Variants in ADD2 observed in about 807,000 individuals in gnomAD.
The protein encoded by ADD2 is adducin 2.
In ADD2, 23 loss-of-function variants were observed where a neutral mutation model predicts 83.0. That is an observed-to-expected ratio of 0.28 (90% confidence interval 0.20 to 0.39). The LOEUF is 0.39. Among genes scored for constraint, ADD2 ranks in the 10% least tolerant of loss-of-function variants. The pLI is 1.00. For synonymous variants in ADD2, 375 were observed against 375.4 expected (o/e 1.00, Z 0.01); for missense variants, 758 against 944.9 (o/e 0.80, Z 2.59).
rs982928532 is a variant in ADD2, at chr2:70,692,351, A to G, written c.705+52T>C. 18 of 1,470,880 alleles carry G rather than the reference A, an allele frequency of 1.2e-5. No homozygotes were observed. The East Asian group carries it at 3.7e-4, about 30-fold the overall frequency. The allele number at this position is 1,470,880 out of a possible 1,614,324, so 91.1% of individuals were successfully genotyped here. On this transcript the variant is annotated intron_variant, in intron 7 of 15. Transcript: ENST00000264436. Reference sequence around the variant, plus strand: ...TGTTTTAAGTGACGAGATTGCTACAACCTCGGCAGCCTTACGTCTTTCCTT... The same window carrying G: ...TGTTTTAAGTGACGAGATTGCTACAGCCTCGGCAGCCTTACGTCTTTCCTT...
chr2:70,690,321 T>G (rs966717600), intron 8 of ADD2, among the ~76,000 whole-genome samples: 4 of 152,182 alleles, frequency 2.6e-5, no homozygotes, highest in African/African-American at 9.7e-5. Flanking sequence ...GGTCTTGAAC[T>G]CCTGGGCTCA....
chr2:70,684,057 T>C (rs1389321103), intron 9 of ADD2, among the ~76,000 whole-genome samples: 6 of 152,130 alleles, frequency 3.9e-5, no homozygotes, highest in Non-Finnish European at 5.9e-5. Context: ...TAACCTAGAA[T>C]TGTGATTGTA....
intron 13 of ADD2, chr2:70,675,698 C>T: frequency 1.0e-6 from 1 of 985,466 alleles, no homozygotes. Flanking sequence ...CTGCCCTGGC[C>T]CGCCAGGTCT....
intron 1 of ADD2, among the ~76,000 whole-genome samples, chr2:70,743,791 C>T (rs1553381504): frequency 6.6e-6 from 1 of 152,070 alleles, no homozygotes; most frequent in Non-Finnish European, 1.5e-5. Context: ...GTACAAAGGT[C>T]CTGTGGTAGA....
chr2:70,722,867 TTTG>T (rs562526736), intron 1 of ADD2, among the ~76,000 whole-genome samples: 297 of 152,272 alleles, frequency 2.0e-3, no homozygotes, highest in Middle Eastern at 6.8e-3. Context: ...CACAAGGGCT[TTTG>T]TTCTCCAGGG....
chr2:70,748,359 A>G (rs1215903353), intron 1 of ADD2, among the ~76,000 whole-genome samples: 1 of 151,704 alleles, frequency 6.6e-6, no homozygotes, highest in Non-Finnish European at 1.5e-5. Context: ...CATTGACATT[A>G]TTATTCATCA....
chr2:70,675,767 G>A (rs1670104568), intron 13 of ADD2: 1 of 985,404 alleles, frequency 1.0e-6, no homozygotes, highest in African/African-American at 1.7e-5. Context: ...AGGGAATCAT[G>A]GAGTCAACCG....
At chr2:70,686,757 G>A (rs906923704) in intron 9 of ADD2, among the ~76,000 whole-genome samples, 7 of 152,140 alleles carry the variant, frequency 4.6e-5, no homozygotes, top group African/African-American at 1.4e-4. Flanking sequence ...AGCCGGAGGC[G>A]CTACATCACA....
At chr2:70,675,681 G>C in intron 13 of ADD2, 2 of 985,474 alleles carry the variant, frequency 2.0e-6, no homozygotes, top group Non-Finnish European at 2.4e-6. Context: ...GAGGCTGCCA[G>C]TCCTCCCTGC....
chr2:70,675,107 C>A, intron 13 of ADD2: 1 of 1,148,314 alleles, frequency 8.7e-7, no homozygotes, highest in Non-Finnish European at 1.1e-6. Context: ...GAAGACACAC[C>A]TTTATTGCAA....
At chr2:70,719,807 T>G (rs1672643682) in intron 1 of ADD2, among the ~76,000 whole-genome samples, 1 of 152,194 alleles carries the variant, frequency 6.6e-6, no homozygotes, top group Non-Finnish European at 1.5e-5. Flanking sequence ...AGCTATATTT[T>G]GAAAAGTTTC....
At chr2:70,719,645 G>A (rs985193617) in intron 1 of ADD2, among the ~76,000 whole-genome samples, 3 of 152,150 alleles carry the variant, frequency 2.0e-5, no homozygotes. Context: ...GGTCAAACTT[G>A]GAAACTATGC....
intron 1 of ADD2, among the ~76,000 whole-genome samples, chr2:70,749,601 T>C (rs1674406088): frequency 6.6e-6 from 1 of 152,138 alleles, no homozygotes; most frequent in Non-Finnish European, 1.5e-5. Flanking sequence ...AACCATTTGA[T>C]ACAGTCTTGG....
At chr2:70,744,584 T>C (rs959051958) in intron 1 of ADD2, among the ~76,000 whole-genome samples, 10 of 152,168 alleles carry the variant, frequency 6.6e-5, no homozygotes, top group African/African-American at 1.2e-4. Flanking sequence ...TTGAAGGAGC[T>C]GAAAGAAGTC....
chr2:70,686,334 ATTG>A, intron 9 of ADD2, among the ~76,000 whole-genome samples: 1 of 152,226 alleles, frequency 6.6e-6, no homozygotes, highest in Non-Finnish European at 1.5e-5. Flanking sequence ...ATCTGTCTGC[ATTG>A]CCTGAGGTCC....
Position 70,724,113 on chromosome 2 carries a change from C to T in ADD2, c.-153-10929G>A, listed in dbSNP as rs931883533. On this transcript the variant is annotated intron_variant, in intron 1 of 15. Transcript: ENST00000264436. ...ACATGACATAGGCCTTAAAAGCTGT[C>T]TTGTGGAAACATGTACCTTCATCGT... 7.9e-5 allele frequency among the ~76,000 whole-genome samples: 12 copies of T among 152,208 alleles called. 1 individual carries two copies. The highest frequency in any genetic ancestry group is 2.9e-4 in the African/African-American group (12 of 41,444).
chr2:70,704,325 G>A lies in ADD2; in HGVS notation c.318C>T (p.Ser106=), dbSNP rs1553373989. Residue 106 remains serine, a synonymous_variant, in exon 4 of 16, where the codon TCC becomes TCT. Transcript: ENST00000264436. ...AGCTCCCCAGACACCACATACTCAT[G>A]GAAGATGTCGGGAAGACTGCGTGGG... The part of the protein sequence containing the change: ...STSHAVFPTS[S]MNVSMMTPIN... The A allele has an allele frequency of 3.7e-6, 5 of 1,363,280 alleles. No homozygotes were observed. The highest frequency in any genetic ancestry group is 4.9e-6 in the Non-Finnish European group (5 of 1,028,010). 84.4% of individuals were successfully genotyped at this position (1,363,280 alleles called of 1,614,324 possible).
chr2:70,708,911 T>C (rs13391965), intron 2 of ADD2, among the ~76,000 whole-genome samples: 59,868 of 152,004 alleles, frequency 0.39, 13,917 homozygotes, highest in African/African-American at 0.66. Flanking sequence ...ACCAATCCAG[T>C]CATTTCTGTA....
intron 1 of ADD2, among the ~76,000 whole-genome samples, chr2:70,720,912 C>T (rs572777122): frequency 7.9e-5 from 12 of 152,294 alleles, no homozygotes; most frequent in African/African-American, 2.4e-4. Flanking sequence ...CCTTGCCTCC[C>T]TGCTGGAGGC....
Sources: allele counts gnomAD v4.1 joint callset (sites outside exome capture counted in the v4.1 genomes callset), GRCh38; gene constraint gnomAD v4.1.1; transcripts MANE v1.5; gene names NCBI Gene and HGNC (gene_info 2026-07-23, HGNC 2026-07-21).